Variants in KCNJ3 observed in about 807,000 individuals in gnomAD.
The protein encoded by KCNJ3 is G protein-activated inward rectifier potassium channel 1.
Under a neutral mutation model 39.2 loss-of-function variants are expected in KCNJ3, and 4 were observed. The observed-to-expected ratio is 0.10, with a 90% confidence interval of 0.05 to 0.23. The LOEUF (loss-of-function observed/expected upper bound fraction) is 0.23, where lower values mean the gene tolerates loss of function less well. Ranked by LOEUF, KCNJ3 falls within the 10% of genes least tolerant of loss-of-function variation. The pLI, the probability that KCNJ3 is intolerant of heterozygous loss-of-function variation, is 1.00. For synonymous variants in KCNJ3, 230 were observed against 237.4 expected, an observed-to-expected ratio of 0.97 and a Z score of 0.29; for missense variants, 276 against 634.9, an observed-to-expected ratio of 0.43 and a Z score of 6.08.
intron 2 of KCNJ3, 80 bp downstream of exon 2, chr2:154,709,899 T>G: frequency 2.0e-6 from 3 of 1,484,796 alleles, no homozygotes; most frequent in Non-Finnish European, 2.7e-6. Flanking sequence ...TGTCATGAAT[T>G]GGGCGAAATG....
chr2:154,819,184 A>G (rs907621916), intron 2 of KCNJ3, among the ~76,000 whole-genome samples: 1 of 152,114 alleles, frequency 6.6e-6, no homozygotes, highest in Non-Finnish European at 1.5e-5. Flanking sequence ...GCACCTCAGC[A>G]TATAGTGAAT....
chr2:154,719,492 C>T (rs942524885), intron 2 of KCNJ3, among the ~76,000 whole-genome samples: 3 of 152,010 alleles, frequency 2.0e-5, no homozygotes, highest in Non-Finnish European at 4.4e-5. Flanking sequence ...TTACCATAAC[C>T]AAGAACAAGA....
chr2:154,768,903 G>A (rs375300647), intron 2 of KCNJ3, among the ~76,000 whole-genome samples: 13 of 152,050 alleles, frequency 8.5e-5, no homozygotes, highest in Non-Finnish European at 1.6e-4. Context: ...GGTCCTTCAC[G>A]TCCCTTTAAG....
At chr2:154,709,267 C>T (rs1685064018) in intron 1 of KCNJ3, 1 of 336,864 alleles carries the variant, frequency 3.0e-6, no homozygotes, top group South Asian at 3.5e-5. Flanking sequence ...AATGAGTTAT[C>T]CTGCAGTGAT....
At position 154,736,374 on chromosome 2, in the gene KCNJ3, T is replaced by TA. The variant is rs70983745; in HGVS notation, c.919+26595dup. 3.7e-3 allele frequency among the ~76,000 whole-genome samples: 345 copies of TA among 93,132 alleles called. 11 individuals carry two copies. Among genetic ancestry groups the TA allele is most frequent in the Non-Finnish European group, 4.8e-3 (224 of 46,982 alleles). The allele number at this position is 93,132 out of a possible 152,430, so 61.1% of individuals were successfully genotyped here. On this transcript the variant is annotated intron_variant, in intron 2 of 2. Transcript: ENST00000295101. Reference sequence around the variant, plus strand: ...AGAGAGTGACAGGAGTCACTAGTTCTAAAAAAAAAAAAAAAAAAAAAAAAA... The same window carrying TA: ...AGAGAGTGACAGGAGTCACTAGTTCTAAAAAAAAAAAAAAAAAAAAAAAAAA...
intron 2 of KCNJ3, among the ~76,000 whole-genome samples, chr2:154,787,071 T>C (rs1265709295): frequency 6.6e-6 from 1 of 151,858 alleles, no homozygotes; most frequent in Non-Finnish European, 1.5e-5. Context: ...TTATGACCAC[T>C]AGAAAAAAAG....
intron 2 of KCNJ3, among the ~76,000 whole-genome samples, chr2:154,713,228 T>G (rs910663511): frequency 1.3e-5 from 2 of 152,184 alleles, no homozygotes; most frequent in African/African-American, 4.8e-5. Flanking sequence ...TTTTTACCCA[T>G]AGTGGGTTGC....
intron 2 of KCNJ3, among the ~76,000 whole-genome samples, chr2:154,844,137 G>A (rs576191139): frequency 2.6e-5 from 4 of 151,720 alleles, no homozygotes; most frequent in Non-Finnish European, 5.9e-5. Context: ...TGGTGTAGAT[G>A]ACCTTTTTGT....
chr2:154,820,848 C>T (rs192900856), intron 2 of KCNJ3, among the ~76,000 whole-genome samples: 87 of 152,242 alleles, frequency 5.7e-4, no homozygotes, highest in African/African-American at 1.9e-3. Flanking sequence ...TCCTTAACAA[C>T]TAAAGTGATT....
chr2:154,851,290 C>A lies in KCNJ3; in HGVS notation c.920-3437C>A, dbSNP rs1351815056. 2.0e-5 allele frequency among the ~76,000 whole-genome samples: 3 copies of A among 152,082 alleles called. No individual in the cohort carries two copies. In the East Asian group the frequency reaches 5.8e-4, roughly 29 times the overall value. On this transcript the variant is annotated intron_variant, in intron 2 of 2. Transcript: ENST00000295101. ...TAGCCAGTGACTTTTAAACTTAATT[C>A]TTAATATTCTATATTACTAATATGG...
chr2:154,766,285 G>A (rs1267531854), intron 2 of KCNJ3, among the ~76,000 whole-genome samples: 2 of 152,058 alleles, frequency 1.3e-5, no homozygotes. Flanking sequence ...ACACTATTTT[G>A]CATTTCCTTA....
chr2:154,839,727 G>GTCT (rs757887144), intron 2 of KCNJ3, among the ~76,000 whole-genome samples: 2 of 152,260 alleles, frequency 1.3e-5, no homozygotes, highest in South Asian at 2.1e-4. Flanking sequence ...CCATATAAAT[G>GTCT]TCTTCCTTTG....
intron 2 of KCNJ3, among the ~76,000 whole-genome samples, chr2:154,732,004 C>T (rs1188492262): frequency 2.0e-5 from 3 of 151,960 alleles, no homozygotes; most frequent in Non-Finnish European, 4.4e-5. Context: ...CACACCATCT[C>T]CATGAGTTAG....
chr2:154,768,101 G>T (rs1016792824), intron 2 of KCNJ3, among the ~76,000 whole-genome samples: 1 of 151,994 alleles, frequency 6.6e-6, no homozygotes, highest in African/African-American at 2.4e-5. Flanking sequence ...TTGTCAGGTG[G>T]GTAGATTGCA....
At chr2:154,795,427 T>A (rs920260496) in intron 2 of KCNJ3, among the ~76,000 whole-genome samples, 17 of 152,028 alleles carry the variant, frequency 1.1e-4, no homozygotes, top group African/African-American at 4.1e-4. Flanking sequence ...ATCTATGATG[T>A]TTACTGACCC....
At chr2:154,795,295 G>T (rs1352666314) in intron 2 of KCNJ3, among the ~76,000 whole-genome samples, 3 of 151,808 alleles carry the variant, frequency 2.0e-5, no homozygotes, top group Non-Finnish European at 4.4e-5. Flanking sequence ...AAACAATTTT[G>T]ATTGAAAGAA....
intron 1 of KCNJ3, among the ~76,000 whole-genome samples, chr2:154,702,486 A>T (rs62170778): frequency 6.6e-6 from 1 of 151,666 alleles, no homozygotes; most frequent in Non-Finnish European, 1.5e-5. Context: ...GAAATTTCTC[A>T]TGTATAATAG....
chr2:154,845,637 GA>G (rs1169518531), intron 2 of KCNJ3, among the ~76,000 whole-genome samples: 1 of 152,114 alleles, frequency 6.6e-6, no homozygotes, highest in Non-Finnish European at 1.5e-5. Context: ...ATGAGACTGG[GA>G]CATTTCCACT....
rs1363611952 is a variant in KCNJ3, at chr2:154,855,592, G to C, written c.*279G>C. ...TAGTTTTATGGCATGATTTATATATGGCATATTTATATTGTATATTCTGGA... is the reference window on the plus strand; with the variant it reads ...TAGTTTTATGGCATGATTTATATATCGCATATTTATATTGTATATTCTGGA... On this transcript the variant is annotated 3_prime_UTR_variant, in exon 3 of 3. Coordinates refer to ENST00000295101, the MANE Select transcript of KCNJ3 (RefSeq NM_002239.4). 1 of 226,018 alleles carries C rather than the reference G, an allele frequency of 4.4e-6. No homozygotes were observed. Among genetic ancestry groups the C allele is most frequent in the Non-Finnish European group, 8.5e-6 (1 of 117,484 alleles). 14.0% of individuals were successfully genotyped at this position (226,018 alleles called of 1,614,324 possible). A position where few individuals can be genotyped will look rare whatever the true frequency, so the allele number is the denominator to read the frequency against.
Sources: allele counts gnomAD v4.1 joint callset (sites outside exome capture counted in the v4.1 genomes callset), GRCh38; gene constraint gnomAD v4.1.1; transcripts MANE v1.5; gene names NCBI Gene and HGNC (gene_info 2026-07-23, HGNC 2026-07-21).